FIGN: variants seen among roughly 807,000 people sequenced by gnomAD.
FIGN encodes the protein fidgetin.
A neutral mutation model predicts 51.3 loss-of-function variants in FIGN; 11 were observed. That is an observed-to-expected ratio of 0.21 (90% CI 0.13 to 0.35). FIGN has a LOEUF of 0.35. Ranked by LOEUF, FIGN falls within the 10% of genes least tolerant of loss-of-function variation. FIGN has a pLI of 1.00. For synonymous variants in FIGN, 407 were observed against 363.2 expected (o/e 1.12, Z -1.37); for missense variants, 857 against 943.6 (o/e 0.91, Z 1.20).
At chr2:163,643,199 T>C (rs1452295726) in intron 2 of FIGN, among the ~76,000 whole-genome samples, 1 of 152,240 alleles carries the variant, frequency 6.6e-6, no homozygotes, top group Non-Finnish European at 1.5e-5. Context: ...ATCAATGGAA[T>C]AGAACTGAGA....
chr2:163,656,245 G>A (rs1683557625), intron 2 of FIGN, among the ~76,000 whole-genome samples: 2 of 152,058 alleles, frequency 1.3e-5, no homozygotes, highest in Admixed American at 6.6e-5. Flanking sequence ...ATTTTTCCTG[G>A]ATGCTAATGA....
intron 2 of FIGN, among the ~76,000 whole-genome samples, chr2:163,615,024 G>T (rs777700611): frequency 6.6e-6 from 1 of 151,922 alleles, no homozygotes; most frequent in East Asian, 1.9e-4. Context: ...ACTAAATTTC[G>T]TAAGATTTCT....
chr2:163,625,376 A>T (rs1363232147), intron 2 of FIGN, among the ~76,000 whole-genome samples: 1 of 152,064 alleles, frequency 6.6e-6, no homozygotes, highest in Non-Finnish European at 1.5e-5. Flanking sequence ...TATAAATAAC[A>T]TTATATTGCT....
Position 163,611,096 on chromosome 2 carries a change from T to A in FIGN, c.736A>T (p.Ser246Cys), listed in dbSNP as rs1232990279. 1.2e-6 allele frequency: 2 copies of A among 1,614,064 alleles called. No individual in the cohort carries two copies. Among genetic ancestry groups the A allele is most frequent in the East Asian group, 2.2e-5 (1 of 44,840 alleles). The change falls in exon 3 of 3, where the codon AGC becomes TGC. Residue 246 changes from serine to cysteine, a missense_variant. This residue lies in a region of FIGN where 799 missense variants were observed against 849.5 expected (regional missense o/e 0.94). Coordinates refer to ENST00000333129, the MANE Select transcript of FIGN (RefSeq NM_018086.4). ...GGAGGATAGCTAGCAGACGGATAGCTGTAACTGGAGAGGTTAGAAGTCCCA... is the reference window on the plus strand; with the variant it reads ...GGAGGATAGCTAGCAGACGGATAGCAGTAACTGGAGAGGTTAGAAGTCCCA... ...YNGTSNLSSY[S>C]YPSASYPPQT... is the part of the protein sequence containing the mutation.
intron 2 of FIGN, among the ~76,000 whole-genome samples, chr2:163,701,819 T>C (rs1684412333): frequency 6.6e-6 from 1 of 152,200 alleles, no homozygotes; most frequent in South Asian, 2.1e-4. Context: ...TTCATGACTT[T>C]AACTTTAACA....
intron 2 of FIGN, among the ~76,000 whole-genome samples, chr2:163,638,834 C>A (rs1282314972): frequency 1.3e-5 from 2 of 152,112 alleles, no homozygotes; most frequent in Non-Finnish European, 2.9e-5. Flanking sequence ...TTCAATGAGA[C>A]AGAAGTCTAA....
At chr2:163,724,960 G>T (rs1219691223) in intron 2 of FIGN, among the ~76,000 whole-genome samples, 3 of 151,976 alleles carry the variant, frequency 2.0e-5, no homozygotes, top group African/African-American at 4.8e-5. Flanking sequence ...TAATATTAGG[G>T]TTTAATTTAC....
chr2:163,638,964 C>A (rs867392870), intron 2 of FIGN, among the ~76,000 whole-genome samples: 3 of 152,068 alleles, frequency 2.0e-5, no homozygotes, highest in Non-Finnish European at 2.9e-5. Flanking sequence ...CAGCATTAAA[C>A]CCCTCCAGTA....
At chr2:163,613,742 T>G (rs1476666494) in intron 2 of FIGN, among the ~76,000 whole-genome samples, 1 of 152,208 alleles carries the variant, frequency 6.6e-6, no homozygotes, top group Non-Finnish European at 1.5e-5. Flanking sequence ...TGGGAAGGAT[T>G]GCAGTAATTA....
rs201870946 is a variant in FIGN, at chr2:163,624,712, T to A, written c.26-12906A>T. Among the ~76,000 whole-genome samples the A allele has an allele frequency of 7.2e-3, 792 of 110,524 alleles. 5 individuals are homozygous for A. The highest frequency in any genetic ancestry group is 0.043 in the East Asian group (129 of 3,006). 72.5% of individuals were successfully genotyped at this position (110,524 alleles called of 152,430 possible). A position where few individuals can be genotyped will look rare whatever the true frequency, so the allele number is the denominator to read the frequency against. ...CATACATATATATATATATATATTTTTTTTTTTCCTAGACAAGCTGTCGTA... is the reference window on the plus strand; with the variant it reads ...CATACATATATATATATATATATTTATTTTTTTCCTAGACAAGCTGTCGTA... On this transcript the variant is annotated intron_variant, in intron 2 of 2. Transcript: ENST00000333129.
chr2:163,692,910 G>A (rs951717390), intron 2 of FIGN, among the ~76,000 whole-genome samples: 26 of 152,200 alleles, frequency 1.7e-4, no homozygotes, highest in African/African-American at 6.3e-4. Flanking sequence ...AGTCACATAT[G>A]TGTGCAACAT....
intron 2 of FIGN, among the ~76,000 whole-genome samples, chr2:163,652,915 A>G (rs1490662045): frequency 6.6e-6 from 1 of 152,156 alleles, no homozygotes; most frequent in African/African-American, 2.4e-5. Context: ...CAATTACTAT[A>G]GCGTGAGGAA....
At chr2:163,720,071 T>G (rs1278771966) in intron 2 of FIGN, among the ~76,000 whole-genome samples, 1 of 152,114 alleles carries the variant, frequency 6.6e-6, no homozygotes, top group African/African-American at 2.4e-5. Context: ...AAAATTAAGC[T>G]GTAAATATCT....
chr2:163,704,482 G>A (rs193194748), intron 2 of FIGN, among the ~76,000 whole-genome samples: 129 of 152,128 alleles, frequency 8.5e-4, no homozygotes, highest in South Asian at 1.2e-3. Context: ...CAGGCACTGC[G>A]TGGGCTTTGG....
chr2:163,612,772 T>C (rs530507932), intron 2 of FIGN, among the ~76,000 whole-genome samples: 1 of 137,258 alleles, frequency 7.3e-6, no homozygotes, highest in South Asian at 2.3e-4. Context: ...ATATATATTA[T>C]ATATGAGAGA....
At chr2:163,644,606 A>C (rs1683354423) in intron 2 of FIGN, among the ~76,000 whole-genome samples, 1 of 152,208 alleles carries the variant, frequency 6.6e-6, no homozygotes, top group Admixed American at 6.5e-5. Flanking sequence ...ATGGAAACAC[A>C]TCCACATAAA....
chr2:163,707,364 A>C (rs1573963693), intron 2 of FIGN, among the ~76,000 whole-genome samples: 2 of 129,362 alleles, frequency 1.5e-5, no homozygotes, highest in South Asian at 2.5e-4. Flanking sequence ...CAAAAAAAAA[A>C]ACAAAAAAAG....
At chr2:163,731,730 GT>G (rs911455956) in intron 2 of FIGN, among the ~76,000 whole-genome samples, 93 of 151,506 alleles carry the variant, frequency 6.1e-4, no homozygotes, top group African/African-American at 2.2e-3. Flanking sequence ...AAAAAAAGAT[GT>G]TTCTTGAAAT....
chr2:163,690,881 G>T (rs551830359), intron 2 of FIGN, among the ~76,000 whole-genome samples: 40 of 152,006 alleles, frequency 2.6e-4, no homozygotes, highest in Admixed American at 2.6e-3. Flanking sequence ...TACCTAACAG[G>T]CCTTCTCATG....
Sources: gnomAD v4.1 joint callset for allele counts (sites outside exome capture counted in the v4.1 genomes callset) on GRCh38, gnomAD v4.1.1 for gene constraint, gnomAD v4.1.1 regional missense constraint, MANE v1.5 for transcripts, NCBI Gene and HGNC (gene_info 2026-07-23, HGNC 2026-07-21) for gene names.